RHBDL2: variants seen among roughly 807,000 people sequenced by gnomAD.
RHBDL2 encodes the protein rhomboid like 2, also known as rhomboid-related protein 2.
RHBDL2 carries 26 observed loss-of-function variants against 31.7 expected under a neutral mutation model. The observed-to-expected ratio is 0.82, with a 90% CI of 0.60 to 1.14. RHBDL2 has a LOEUF of 1.14. Ranked by LOEUF, RHBDL2 falls within the 50% of genes most tolerant of loss-of-function variation. The pLI is 0.00. For synonymous variants in RHBDL2, 123 were observed against 127.2 expected, an observed-to-expected ratio of 0.97 and a Z score of 0.22; for missense variants, 336 against 364.4, an observed-to-expected ratio of 0.92 and a Z score of 0.63.
chr1:38,921,804 C>T (rs563750156), intron 1 of RHBDL2, among the ~76,000 whole-genome samples: 5 of 152,244 alleles, frequency 3.3e-5, no homozygotes, highest in South Asian at 2.1e-4. Flanking sequence ...CTTTTTGCCA[C>T]GTCTCATAAT....
rs1195301593 is a variant in RHBDL2 at position 38,919,111 on chromosome 1, C to G, written c.102G>C (p.Gly34=). 1.2e-6 allele frequency: 2 copies of G among 1,614,118 alleles called. No individual in the cohort carries two copies. The highest frequency in any genetic ancestry group is 8.5e-7 in the Non-Finnish European group (1 of 1,180,026). ...TACTCTTGGCCCGATCTTTACCTCCCCCATCCTCTCTCATTTTCTCCTCTT... is the reference window on the plus strand; with the variant it reads ...TACTCTTGGCCCGATCTTTACCTCCGCCATCCTCTCTCATTTTCTCCTCTT... ...LEEEEKMRED[G]GGKDRAKSKK... The change falls in exon 2 of 8, where the codon GGG becomes GGC. Residue 34 remains glycine (G), a synonymous_variant. Transcript: ENST00000372990.
At chr1:38,887,894 C>T (rs759210201) in intron 7 of RHBDL2, 69 bp downstream of exon 7, 1 of 1,110,134 alleles carries the variant, frequency 9.0e-7, no homozygotes, top group South Asian at 1.3e-5. Context: ...AGCGTTGTAA[C>T]CCCTATTTGA....
intron 1 of RHBDL2, among the ~76,000 whole-genome samples, chr1:38,920,166 C>CTTTTTTTTTTTTTTTT (rs71057165): frequency 3.6e-5 from 4 of 111,402 alleles, no homozygotes; most frequent in Non-Finnish European, 6.8e-5. Flanking sequence ...CACATGTTTT[C>CTTTTTTTTTTTTTTTT]TTTTTTTTTT....
At chr1:38,934,175 C>T (rs1457347048) in intron 1 of RHBDL2, among the ~76,000 whole-genome samples, 3 of 151,640 alleles carry the variant, frequency 2.0e-5, no homozygotes, top group Non-Finnish European at 4.4e-5. Flanking sequence ...GGCAAAACCC[C>T]ATCTCTATGA....
At chr1:38,908,944 C>G (rs1230381750) in intron 4 of RHBDL2, among the ~76,000 whole-genome samples, 1 of 152,196 alleles carries the variant, frequency 6.6e-6, no homozygotes, top group East Asian at 1.9e-4. Context: ...TAGCTCTCAG[C>G]AGATGGGGTA....
chr1:38,913,299 T>C (rs1319067659), intron 3 of RHBDL2, among the ~76,000 whole-genome samples: 13 of 151,944 alleles, frequency 8.6e-5, no homozygotes, highest in Admixed American at 8.5e-4. Flanking sequence ...TATAATACTG[T>C]ACTGCCTTAC....
At chr1:38,921,253 G>C (rs1643311106) in intron 1 of RHBDL2, among the ~76,000 whole-genome samples, 1 of 152,170 alleles carries the variant, frequency 6.6e-6, no homozygotes, top group South Asian at 2.1e-4. Flanking sequence ...ATAGTGGCAC[G>C]TGCCTGTACT....
chr1:38,930,007 C>T (rs1170524767), intron 1 of RHBDL2, among the ~76,000 whole-genome samples: 2 of 152,182 alleles, frequency 1.3e-5, no homozygotes, highest in Non-Finnish European at 2.9e-5. Context: ...TTTCCAAAAG[C>T]TTTGCTTTTT....
chr1:38,930,478 A>T (rs926957244), intron 1 of RHBDL2, among the ~76,000 whole-genome samples: 1 of 152,218 alleles, frequency 6.6e-6, no homozygotes, highest in Non-Finnish European at 1.5e-5. Flanking sequence ...TGTGTACCCT[A>T]TTATAGTATT....
chr1:38,910,437 A>C (rs181485233), intron 4 of RHBDL2, among the ~76,000 whole-genome samples: 4 of 152,150 alleles, frequency 2.6e-5, no homozygotes, highest in Admixed American at 6.6e-5. Flanking sequence ...TTAATTTTTT[A>C]AAAAAATGTT....
At chr1:38,933,682 T>G (rs972037902) in intron 1 of RHBDL2, among the ~76,000 whole-genome samples, 1 of 151,328 alleles carries the variant, frequency 6.6e-6, no homozygotes, top group Admixed American at 6.6e-5. Context: ...AGCAAACACA[T>G]GGCCGGCGAT....
chr1:38,938,924 A>T (rs372144597), intron 1 of RHBDL2, among the ~76,000 whole-genome samples: 23 of 152,370 alleles, frequency 1.5e-4, no homozygotes, highest in African/African-American at 5.5e-4. Flanking sequence ...CATGGAATGC[A>T]TCAGTAAATA....
In RHBDL2 at chr1:38,911,602, C is replaced by CTG. The variant is rs56978792; in HGVS notation, c.396-170_396-169dup. ...AACTCTTTTTTTCTTTTTCTTTTTT[C>CTG]TGTGTGTGTGTGTGTGTGTGTGTGT... On this transcript the variant is annotated intron_variant, in intron 3 of 7. Transcript: ENST00000372990. 2.3e-3 allele frequency among the ~76,000 whole-genome samples: 325 copies of CTG among 142,284 alleles called. 6 individuals are homozygous for CTG. Among genetic ancestry groups the CTG allele is most frequent in the East Asian group, 0.012 (57 of 4,714 alleles). The allele number at this position is 142,284 out of a possible 152,430, so 93.3% of individuals were successfully genotyped here.
chr1:38,904,813 C>T (rs6697008), intron 4 of RHBDL2, among the ~76,000 whole-genome samples: 18,428 of 148,906 alleles, frequency 0.12, 1,433 homozygotes, highest in Non-Finnish European at 0.18. Context: ...GGGCGGATCA[C>T]GAGGTCAGGA....
chr1:38,909,003 G>A (rs74067168), intron 4 of RHBDL2, among the ~76,000 whole-genome samples: 3,472 of 152,254 alleles, frequency 0.023, 135 homozygotes, highest in African/African-American at 0.077. Context: ...TCGGCAGCCC[G>A]GGATCTCCTC....
chr1:38,925,961 G>A lies in RHBDL2; in HGVS notation c.-125-6624C>T, dbSNP rs903314507. On this transcript the variant is annotated intron_variant, in intron 1 of 7. Coordinates refer to ENST00000372990, the MANE Select transcript of RHBDL2 (RefSeq NM_017821.5). ...GAGTAACTAATAAATTACCAAAATTGCAAGTGTTGAATCTGCAAATGTCAA... is the reference window on the plus strand; with the variant it reads ...GAGTAACTAATAAATTACCAAAATTACAAGTGTTGAATCTGCAAATGTCAA... 7.1e-6 allele frequency: 9 copies of A among 1,270,406 alleles called. No homozygotes were observed. The Admixed American group carries it at 1.4e-4, about 20-fold the overall frequency. 78.7% of individuals were successfully genotyped at this position (1,270,406 alleles called of 1,614,324 possible). A position where few individuals can be genotyped will look rare whatever the true frequency, so the allele number is the denominator to read the frequency against.
At chr1:38,932,356 A>C (rs941734246) in intron 1 of RHBDL2, among the ~76,000 whole-genome samples, 3 of 152,210 alleles carry the variant, frequency 2.0e-5, no homozygotes, top group Non-Finnish European at 4.4e-5. Flanking sequence ...TACAGCTGTG[A>C]ATGACCCTAG....
At chr1:38,932,599 A>C (rs1030395945) in intron 1 of RHBDL2, among the ~76,000 whole-genome samples, 6 of 152,138 alleles carry the variant, frequency 3.9e-5, no homozygotes, top group African/African-American at 1.4e-4. Flanking sequence ...AGCTGGGACT[A>C]CAGGTGAGCG....
At chr1:38,887,606 G>A (rs1642801168) in intron 7 of RHBDL2, among the ~76,000 whole-genome samples, 2 of 152,082 alleles carry the variant, frequency 1.3e-5, no homozygotes, top group Admixed American at 1.3e-4. Flanking sequence ...TGTATTTTTA[G>A]TAGAGACGGG....
Sources: gnomAD v4.1 joint callset for allele counts (sites outside exome capture counted in the v4.1 genomes callset) on GRCh38, gnomAD v4.1.1 for gene constraint, MANE v1.5 for transcripts, NCBI Gene and HGNC (gene_info 2026-07-23, HGNC 2026-07-21) for gene names.